The following LINS1 variants were observed in gnomAD, a reference collection of about 807,000 sequenced individuals.
The protein encoded by LINS1 is lines homolog 1.
A neutral mutation model predicts 41.6 loss-of-function variants in LINS1; 27 were observed. That is an observed-to-expected ratio of 0.65 (90% CI 0.48 to 0.89). The LOEUF (loss-of-function observed/expected upper bound fraction) is 0.89. Ranked by LOEUF, LINS1 falls within the 40% of genes least tolerant of loss-of-function variation. The probability of loss-of-function intolerance (pLI) is 0.00; values close to 1 mark genes in which losing one functional copy is unlikely to be tolerated. For missense variants in LINS1, 955 were observed against 884.1 expected (o/e 1.08, Z -1.02); for synonymous variants, 336 against 312.9 (o/e 1.07, Z -0.78).
At chr15:100,574,297 T>A in intron 4 of LINS1, 56 bp from the exon 5 acceptor site, 1 of 1,137,506 alleles carries the variant, frequency 8.8e-7, no homozygotes, top group Non-Finnish European at 1.3e-6. Context: ...TTCAAACAAT[T>A]TTACAATTCA....
intron 1 of LINS1, among the ~76,000 whole-genome samples, chr15:100,583,485 T>C (rs1275858951): frequency 6.6e-6 from 1 of 152,254 alleles, no homozygotes; most frequent in Non-Finnish European, 1.5e-5. Flanking sequence ...TTTCAACCTG[T>C]GGTATGCATC....
At position 100,569,531 on chromosome 15, in the gene LINS1, G is replaced by A. The variant is rs779605614; in HGVS notation, c.1981C>T (p.Gln661Ter). Residue 661 changes from glutamine to a stop codon, truncating the protein, a stop_gained, in exon 7 of 7, where the codon CAG becomes TAG. Transcript: ENST00000314742. LOFTEE classifies it low-confidence loss of function (END_TRUNC). The part of the protein sequence containing the change: ...SLHQQATKEI[Q>*]DAAGTSRDKK... ...TCCCTGCTTGTCCCAGCTGCATCCT[G>A]AATCTCCTTAGTTGCTTGCTGGTGT... is the stretch of plus-strand genomic sequence containing the variant. The A allele has an allele frequency of 1.2e-6, 2 of 1,614,176 alleles. No homozygotes were observed. Among genetic ancestry groups the A allele is most frequent in the South Asian group, 2.2e-5 (2 of 91,084 alleles).
chr15:100,573,624 G>A (rs1399528835), intron 5 of LINS1, 27 bp downstream of exon 5: 7 of 1,307,996 alleles, frequency 5.4e-6, no homozygotes, highest in Admixed American at 3.5e-5. Flanking sequence ...ATTACACACT[G>A]CATACAAAAG....
intron 1 of LINS1, chr15:100,596,783 A>G (rs1400791196): frequency 2.6e-5 from 4 of 152,372 alleles, no homozygotes; most frequent in East Asian, 3.9e-4. Flanking sequence ...AATGTAACAG[A>G]GGAAGCCTGC....
chr15:100,592,833 CAAT>C (rs2039096368), intron 1 of LINS1, among the ~76,000 whole-genome samples: 1 of 152,172 alleles, frequency 6.6e-6, no homozygotes, highest in Non-Finnish European at 1.5e-5. Flanking sequence ...TGAATGACGA[CAAT>C]AGGTGCTAGG....
intron 1 of LINS1, among the ~76,000 whole-genome samples, chr15:100,586,517 CT>C (rs1402999334): frequency 6.6e-6 from 1 of 152,172 alleles, no homozygotes; most frequent in Non-Finnish European, 1.5e-5. Context: ...ATGCCCACAT[CT>C]TATGGTTCAG....
At chr15:100,571,631 TGA>T (rs1292153663) in intron 6 of LINS1, among the ~76,000 whole-genome samples, 18 of 152,334 alleles carry the variant, frequency 1.2e-4, no homozygotes, top group African/African-American at 4.3e-4. Flanking sequence ...AGAAGTGTAC[TGA>T]CTTACTGGAG....
chr15:100,575,053 A>G lies in LINS1; in HGVS notation c.565T>C (p.Tyr189His). 6.2e-7 allele frequency: 1 copy of G among 1,612,590 alleles called. No individual in the cohort carries two copies. The change falls in exon 4 of 7, where the codon TAC (tyrosine) becomes CAC (histidine). Residue 189 changes from tyrosine (Y) to histidine (H), a missense_variant. Coordinates refer to ENST00000314742, the MANE Select transcript of LINS1 (RefSeq NM_001040616.3). The stretch of plus-strand genomic sequence containing the variant: ...ATTGCTGTAAGAGTCCAGAGGCAGT[A>G]TATTGCTTTATTACTCTCAGAGTAT... ...SEYSESNKAI[Y>H]CLWTLTAIIK...
rs2037661322 is a variant in LINS1 at position 100,569,168 on chromosome 15, T to C, written c.*70A>G. On this transcript the variant is annotated 3_prime_UTR_variant, in exon 7 of 7. Coordinates refer to ENST00000314742, the MANE Select transcript of LINS1 (RefSeq NM_001040616.3). ...AAACCCTTTTATGGTGATGATTTTA[T>C]ACTATTACCTCATTGAGACATAATT... 9.8e-7 allele frequency: 1 copy of C among 1,015,562 alleles called. No homozygotes were observed. Among genetic ancestry groups the C allele is most frequent in the South Asian group, 1.4e-5 (1 of 69,484 alleles). The allele number at this position is 1,015,562 out of a possible 1,614,324, so 62.9% of individuals were successfully genotyped here.
At position 100,574,971 on chromosome 15, in the gene LINS1, G is replaced by C; in HGVS notation, c.631+16C>G. The C allele has an allele frequency of 6.2e-7, 1 of 1,610,408 alleles. No homozygotes were observed. On this transcript the variant is annotated intron_variant, in intron 4 of 6. Coordinates refer to ENST00000314742, the MANE Select transcript of LINS1 (RefSeq NM_001040616.3). ...GAGCAAGATGATGATTGTTTATGGG[G>C]CCATGTAATCCATACCTGTTTTCTG...
intron 1 of LINS1, among the ~76,000 whole-genome samples, chr15:100,597,990 C>T (rs2039320686): frequency 6.6e-6 from 1 of 152,232 alleles, no homozygotes. Context: ...ATTTATTAAC[C>T]TTGAAAGGTT....
At chr15:100,571,748 T>A (rs903531749) in intron 6 of LINS1, 146 bp downstream of exon 6, 5 of 948,472 alleles carry the variant, frequency 5.3e-6, no homozygotes, top group Non-Finnish European at 8.0e-6. Flanking sequence ...CTCCTTTTCA[T>A]GTAAGTCAGG....
chr15:100,586,296 A>C (rs1211954884), intron 1 of LINS1: 1 of 152,256 alleles, frequency 6.6e-6, no homozygotes, highest in Non-Finnish European at 1.5e-5. Flanking sequence ...TTCATTTTAC[A>C]TATCTTGATT....
chr15:100,595,443 T>C (rs2039204404), intron 1 of LINS1, among the ~76,000 whole-genome samples: 1 of 152,106 alleles, frequency 6.6e-6, no homozygotes, highest in Admixed American at 6.6e-5. Flanking sequence ...TTAACCATAT[T>C]AGCCATTACA....
Position 100,574,185 on chromosome 15 carries a change from A to T in LINS1, c.688T>A (p.Ser230Thr). The T allele has an allele frequency of 6.2e-7, 1 of 1,613,692 alleles. No homozygotes were observed. Among genetic ancestry groups the T allele is most frequent in the Non-Finnish European group, 8.5e-7 (1 of 1,179,636 alleles). Residue 230 changes from serine to threonine, a missense_variant, in exon 5 of 7, where the codon TCC becomes ACC. Ser to Thr is a moderately conservative substitution (Grantham distance 58, BLOSUM62 1). Coordinates refer to ENST00000314742, the MANE Select transcript of LINS1 (RefSeq NM_001040616.3). ...TTTTCAAAATGCTGAGAGAATAAGG[A>T]ATTGTAAAACACTTCAAAAATGGTG... is the stretch of plus-strand genomic sequence containing the variant. ...FDTIFEVFYNSLFSQHFENCR... is the reference protein window; with the variant it reads ...FDTIFEVFYNTLFSQHFENCR...
chr15:100,571,096 A>G (rs1297214209), intron 6 of LINS1, among the ~76,000 whole-genome samples: 1 of 152,196 alleles, frequency 6.6e-6, no homozygotes, highest in Non-Finnish European at 1.5e-5. Flanking sequence ...TGTGTTCTTG[A>G]TTAGGACCTT....
At chr15:100,584,200 T>G (rs2038694740) in intron 1 of LINS1, among the ~76,000 whole-genome samples, 1 of 152,254 alleles carries the variant, frequency 6.6e-6, no homozygotes, top group African/African-American at 2.4e-5. Flanking sequence ...TTTTAATTAC[T>G]ATCACATGCT....
rs767064566 is a variant in LINS1 at position 100,569,684 on chromosome 15, G to A, written c.1828C>T (p.His610Tyr). 6.8e-6 allele frequency: 11 copies of A among 1,613,922 alleles called. No individual in the cohort carries two copies. Among genetic ancestry groups the A allele is most frequent in the Non-Finnish European group, 9.3e-6 (11 of 1,179,872 alleles). ...GACAGACTAGAAGCACACATGGTGT[G>A]AGCCCCCTTGGACATCACAGCTTTC... Reference protein sequence around the residue: ...PLKAVMSKGAHTMCASSLSSP... With the variant: ...PLKAVMSKGAYTMCASSLSSP... The change falls in exon 7 of 7, where the codon CAC becomes TAC. Residue 610 changes from histidine (H) to tyrosine (Y), a missense_variant. His to Tyr is a moderately conservative substitution (Grantham distance 83). Transcript: ENST00000314742.
In LINS1 at chr15:100,569,819, G is replaced by C. The variant is rs1438860132; in HGVS notation, c.1693C>G (p.Gln565Glu). 1 of 1,613,972 alleles carries C rather than the reference G, an allele frequency of 6.2e-7. No homozygotes were observed. The highest frequency in any genetic ancestry group is 8.5e-7 in the Non-Finnish European group (1 of 1,180,018). The change falls in exon 7 of 7, where the codon CAA becomes GAA. Residue 565 changes from glutamine to glutamate, a missense_variant. Physicochemically the swap from Gln to Glu is conservative, Grantham distance 29. Transcript: ENST00000314742. ...SICGCVPSLV[Q>E]DQSSNQTIPH... ...ATTGTTTGGTTGGAGCTTTGGTCTT[G>C]GACAAGTGAGGGGACACAGCCACAA...
Sources: gnomAD v4.1 joint callset for allele counts (sites outside exome capture counted in the v4.1 genomes callset) on GRCh38, gnomAD v4.1.1 for gene constraint, MANE v1.5 for transcripts, NCBI Gene and HGNC (gene_info 2026-07-23, HGNC 2026-07-21) for gene names.